The following OPLAH variants were observed in gnomAD, a reference collection of about 807,000 sequenced individuals.
OPLAH encodes the protein 5-oxoprolinase.
In OPLAH, 103 loss-of-function variants were observed where a neutral mutation model predicts 122.8. The ratio of observed to expected loss-of-function variants is 0.84; its 90% CI spans 0.71 to 0.99. OPLAH has a LOEUF of 0.99. Among genes scored for constraint, OPLAH ranks in the 50% least tolerant of loss-of-function variants. The pLI is 0.00. For missense variants in OPLAH, 1,902 were observed against 1,836.5 expected, an observed-to-expected ratio of 1.04 and a Z score of -0.65; for synonymous variants, 875 against 796.0, an observed-to-expected ratio of 1.10 and a Z score of -1.67.
At position 144,054,845 on chromosome 8, in the gene OPLAH, GC is replaced by G; in HGVS notation, c.2477del (p.Gly826AlafsTer7). ...TAACAGTCAGGTCTGGCAGGTGGCT[GC>G]CCCCGGCACTGGGATGGTTGCTCAG... is the stretch of plus-strand genomic sequence containing the variant. Reference protein sequence around the residue: ...VLLSNHPSAGGSHLPDLTVIT... With the variant: ...VLLSNHPSAGXSHLPDLTVIT... On this transcript the variant is annotated frameshift_variant, in exon 18 of 27. Transcript: ENST00000618853. LOFTEE classifies it high-confidence loss of function. 1 of 1,612,164 alleles carries G rather than the reference GC, an allele frequency of 6.2e-7. No individual in the cohort carries two copies. Among genetic ancestry groups the G allele is most frequent in the Non-Finnish European group, 8.5e-7 (1 of 1,179,764 alleles).
Position 144,058,091 on chromosome 8 carries a change from C to T in OPLAH, c.1007G>A (p.Ser336Asn), listed in dbSNP as rs1199630193. Residue 336 changes from serine to asparagine, a missense_variant, in exon 8 of 27, where the codon AGC becomes AAC. By Grantham distance (46) the Ser-to-Asn change is conservative (BLOSUM62 1). Transcript: ENST00000618853. The stretch of plus-strand genomic sequence containing the variant: ...GGCCTGGAGGGTGACGCCAGCTGTG[C>T]TGGCCTCGAAGACGTGCTCGAATTC... ...AGEFEHVFEA[S>N]TAGVTLQAPQ... The T allele has an allele frequency of 3.1e-6, 5 of 1,612,430 alleles. No individual in the cohort carries two copies. Among genetic ancestry groups the T allele is most frequent in the Non-Finnish European group, 4.2e-6 (5 of 1,179,820 alleles).
intron 23 of OPLAH, 34 bp from the exon 24 acceptor site, chr8:144,052,360 G>A (rs1554757889): frequency 6.6e-7 from 1 of 1,510,896 alleles, no homozygotes; most frequent in Non-Finnish European, 8.8e-7. Context: ...CGCTGGGCTG[G>A]GGCAGGGCGT....
chr8:144,063,687 C>T (rs529514250), upstream of OPLAH: 5 of 152,594 alleles, frequency 3.3e-5, no homozygotes, highest in South Asian at 4.1e-4. The surrounding 1 kb of genome is among the most constrained non-coding windows in gnomAD (Gnocchi z 4.2). Flanking sequence ...CTTGGGGCCC[C>T]GGTACGGCTC....
chr8:144,061,516 A>C (rs1246570690), upstream of OPLAH, among the ~76,000 whole-genome samples: 2 of 149,100 alleles, frequency 1.3e-5, no homozygotes, highest in African/African-American at 5.0e-5. Context: ...ACTCCGTCTC[A>C]AAAAAAAGAA....
rs782686985 is a variant in OPLAH at position 144,058,654 on chromosome 8, G to T, written c.625C>A (p.Arg209=). 1 of 1,598,558 alleles carries T rather than the reference G, an allele frequency of 6.3e-7. No homozygotes were observed. The change falls in exon 6 of 27, where the codon CGG becomes AGG. Residue 209 remains arginine (R), a synonymous_variant. Coordinates refer to ENST00000618853, the MANE Select transcript of OPLAH (RefSeq NM_017570.5). ...GACACGTGCGTGAAGCCCAGCTCCC[G>T]GGCCAGCACACCCACCTGCTGCTCA... ...QHEQQVGVLA[R]ELGFTHVSLS...
chr8:144,053,548 C>T (rs1835440830), intron 19 of OPLAH, among the ~76,000 whole-genome samples, 155 bp from the exon 20 acceptor site: 1 of 152,114 alleles, frequency 6.6e-6, no homozygotes, highest in Non-Finnish European at 1.5e-5. Context: ...CTCCTTGAGC[C>T]TGGCTCAGGG....
Position 144,059,931 on chromosome 8 carries a change from T to C in OPLAH, c.102A>G (p.Lys34=), listed in dbSNP as rs2129849468. The C allele has an allele frequency of 1.2e-6, 2 of 1,612,746 alleles. No individual in the cohort carries two copies. Among genetic ancestry groups the C allele is most frequent in the Non-Finnish European group, 1.7e-6 (2 of 1,179,828 alleles). ...AGTTGGCAGGGTCCTCTGAGAGCAG[T>C]TTTAAGACCCGCACGTGCCCCCCTG... ...QCPGGHVRVL[K]LLSEDPANYA... The change falls in exon 2 of 27, where the codon AAA becomes AAG. Residue 34 remains lysine, a synonymous_variant. Coordinates refer to ENST00000618853, the MANE Select transcript of OPLAH (RefSeq NM_017570.5).
At position 144,053,215 on chromosome 8, in the gene OPLAH, A is replaced by T; in HGVS notation, c.2865T>A (p.His955Gln). The T allele has an allele frequency of 6.2e-7, 1 of 1,612,614 alleles. No homozygotes were observed. The highest frequency in any genetic ancestry group is 8.5e-7 in the Non-Finnish European group (1 of 1,179,710). The change falls in exon 20 of 27, where the codon CAT becomes CAA. Residue 955 changes from histidine (H) to glutamine (Q), a missense_variant. This residue lies in a region of OPLAH where 1,726 missense variants were observed against 1,642.1 expected (regional missense o/e 1.05). Transcript: ENST00000618853. ...GLDVVQAYMG[H>Q]IQANAELAVR... ...CTCCTGTGCCCAGGCCCACCTGAAT[A>T]TGGCCCATGTAGGCCTGCACCACGT...
chr8:144,060,157 G>A (rs1835633784), intron 1 of OPLAH, 72 bp from the exon 2 acceptor site: 1 of 1,129,516 alleles, frequency 8.9e-7, no homozygotes, highest in Non-Finnish European at 1.2e-6. Flanking sequence ...TGCGCATGCG[G>A]GGGGTTCCTG....
In OPLAH at chr8:144,051,870, TGGGGGC is replaced by T. The variant is rs1554757736; in HGVS notation, c.3622+40_3622+45del. The T allele has an allele frequency of 1.4e-4, 16 of 114,286 alleles. No individual in the cohort carries two copies. The Admixed American group carries it at 8.4e-3, about 60-fold the overall frequency. 7.1% of individuals were successfully genotyped at this position (114,286 alleles called of 1,614,324 possible). On this transcript the variant is annotated intron_variant, in intron 25 of 26. Coordinates refer to ENST00000618853, the MANE Select transcript of OPLAH (RefSeq NM_017570.5). ...AGTCCAGAGAGACCAGGGGCGGGGG[TGGGGGC>T]GGGGGCGGGGAGGGCCGCGAGGGCT...
Position 144,056,876 on chromosome 8 carries a change from C to T in OPLAH, c.1706+72G>A, listed in dbSNP as rs944512372. ...ACCCCGGGACCACCTGGGAAGTCAT[C>T]AGGAGGAACACCCACCAAGGGCGTG... On this transcript the variant is annotated intron_variant, in intron 12 of 26. Transcript: ENST00000618853. 1.8e-5 allele frequency: 28 copies of T among 1,517,246 alleles called. No homozygotes were observed. In the African/African-American group the frequency reaches 3.7e-4, roughly 20 times the overall value. The allele number at this position is 1,517,246 out of a possible 1,614,324, so 94.0% of individuals were successfully genotyped here. A position where few individuals can be genotyped will look rare whatever the true frequency, so the allele number is the denominator to read the frequency against.
chr8:144,060,007 T>G lies in OPLAH; in HGVS notation c.26A>C (p.His9Pro), dbSNP rs1554760536. The G allele has an allele frequency of 6.2e-7, 1 of 1,612,554 alleles. No individual in the cohort carries two copies. Among genetic ancestry groups the G allele is most frequent in the Non-Finnish European group, 8.5e-7 (1 of 1,179,752 alleles). The change falls in exon 2 of 27, where the codon CAC becomes CCC. Residue 9 changes from histidine (H) to proline (P), a missense_variant. This residue lies in a region of OPLAH where 168 missense variants were observed against 170.6 expected (regional missense o/e 0.98). Coordinates refer to ENST00000618853, the MANE Select transcript of OPLAH (RefSeq NM_017570.5). MGSPEGRF[H>P]FAIDRGGTFT... ...GGTACCCCCACGGTCGATGGCAAAG[T>G]GGAAGCGGCCCTCGGGGCTGCCCAT...
Position 144,058,724 on chromosome 8 carries a change from C to T in OPLAH, c.588-33G>A, listed in dbSNP as rs781874859. ...AAAAACCCAGTGGCACCTCGTCTCC[C>T]ACCAGGCCCGGCACCTGCTCCCGCA... is the stretch of plus-strand genomic sequence containing the variant. On this transcript the variant is annotated intron_variant, in intron 5 of 26. Coordinates refer to ENST00000618853, the MANE Select transcript of OPLAH (RefSeq NM_017570.5). 8.2e-6 allele frequency: 13 copies of T among 1,581,698 alleles called. No individual in the cohort carries two copies. In the Admixed American group the frequency reaches 2.2e-4, roughly 27 times the overall value.
At position 144,051,448 on chromosome 8, in the gene OPLAH, C is replaced by T; in HGVS notation, c.3745G>A (p.Gly1249Ser). ...PGDVFCLHTP[G>S]GGGYGDPEDP... ...TCCGGGTCCCCATAGCCACCGCCGC[C>T]GGGCGTGTGGAGACAGAACACATCC... The change falls in exon 27 of 27, where the codon GGC becomes AGC. Residue 1249 changes from glycine (G) to serine (S), a missense_variant. Around this residue, in one of 3 missense-constraint regions of OPLAH, gnomAD observed 1,726 missense variants for 1,642.1 expected, o/e 1.05. Coordinates refer to ENST00000618853, the MANE Select transcript of OPLAH (RefSeq NM_017570.5). 2 of 1,056,466 alleles carry T rather than the reference C, an allele frequency of 1.9e-6. No homozygotes were observed. Among genetic ancestry groups the T allele is most frequent in the Non-Finnish European group, 2.4e-6 (2 of 817,194 alleles). The allele number at this position is 1,056,466 out of a possible 1,614,324, so 65.4% of individuals were successfully genotyped here.
At chr8:144,056,287 C>T (rs1487650382) in intron 14 of OPLAH, 28 bp from the exon 15 acceptor site, 1 of 1,601,794 alleles carries the variant, frequency 6.2e-7, no homozygotes, top group Non-Finnish European at 8.5e-7. Flanking sequence ...GAGTACAGCG[C>T]CCGGGCCCAG....
At chr8:144,056,363 T>C (rs782343565) in intron 14 of OPLAH, 22 bp downstream of exon 14, 3 of 1,598,058 alleles carry the variant, frequency 1.9e-6, no homozygotes, top group Non-Finnish European at 2.6e-6. Context: ...GCTGTCAGGC[T>C]GGCACAGGCA....
chr8:144,058,672 G>A lies in OPLAH; in HGVS notation c.607C>T (p.Gln203Ter), dbSNP rs1554760112. The A allele has an allele frequency of 6.3e-7, 1 of 1,591,616 alleles. No homozygotes were observed. Among genetic ancestry groups the A allele is most frequent in the Non-Finnish European group, 8.5e-7 (1 of 1,171,148 alleles). ...HSYTWAQHEQQVGVLARELGF... is the reference protein window; with the variant it reads ...HSYTWAQHEQ ...AGCTCCCGGGCCAGCACACCCACCT[G>A]CTGCTCATGCTGGGCCCACCTATGA... The change falls in exon 6 of 27, where the codon CAG becomes TAG. Residue 203 changes from glutamine (Q) to a stop codon, truncating the protein, a stop_gained. Transcript: ENST00000618853. LOFTEE classifies it high-confidence loss of function.
intron 15 of OPLAH, 61 bp downstream of exon 15, chr8:144,056,086 G>C (rs1314765336): frequency 2.6e-6 from 4 of 1,553,002 alleles, no homozygotes; most frequent in Non-Finnish European, 3.5e-6. Flanking sequence ...AGAGAACCCT[G>C]CACCAGGGGC....
rs782386346 is a variant in OPLAH, at chr8:144,059,871, G to T, written c.162C>A (p.Ile54=). The T allele has an allele frequency of 6.2e-7, 1 of 1,612,732 alleles. No homozygotes were observed. The highest frequency in any genetic ancestry group is 2.2e-5 in the East Asian group (1 of 44,876). ...CTCCGCCCTGGCCCACCTGCTCCAGGATGCGGCGGATGCCTTCGGTTGGCG... is the reference window on the plus strand; with the variant it reads ...CTCCGCCCTGGCCCACCTGCTCCAGTATGCGGCGGATGCCTTCGGTTGGCG... ...ADAPTEGIRR[I]LEQEAGMLLP... The change falls in exon 2 of 27, where the codon ATC becomes ATA. Residue 54 remains isoleucine, a synonymous_variant. Transcript: ENST00000618853.
Sources: gnomAD v4.1 joint callset for allele counts (sites outside exome capture counted in the v4.1 genomes callset) on GRCh38, gnomAD v4.1.1 for gene constraint, gnomAD v4.1.1 regional missense constraint, Gnocchi (gnomAD v3.1) non-coding constraint, MANE v1.5 for transcripts, NCBI Gene and HGNC (gene_info 2026-07-23, HGNC 2026-07-21) for gene names.